The following PRIM2 variants were observed in gnomAD, a reference collection of about 807,000 sequenced individuals.
The protein encoded by PRIM2 is DNA primase subunit 2.
Under a neutral mutation model 67.3 loss-of-function variants are expected in PRIM2, and 39 were observed. That is an observed-to-expected ratio of 0.58 (90% CI 0.45 to 0.76). PRIM2 has a LOEUF of 0.76. Among genes scored for constraint, PRIM2 ranks in the 30% least tolerant of loss-of-function variants. The pLI, the probability that PRIM2 is intolerant of heterozygous loss-of-function variation, is 0.00. For missense variants in PRIM2, 398 were observed against 598.7 expected, an observed-to-expected ratio of 0.66 and a Z score of 3.50; for synonymous variants, 143 against 198.7, an observed-to-expected ratio of 0.72 and a Z score of 2.36.
At chr6:57,502,667 C>A (rs1774161031) in intron 7 of PRIM2, among the ~76,000 whole-genome samples, 1 of 152,188 alleles carries the variant, frequency 6.6e-6, no homozygotes, top group Non-Finnish European at 1.5e-5. Flanking sequence ...CTCGAAGTGT[C>A]TGTTTCTGGC....
At chr6:57,475,838 A>C (rs1336558665) in intron 7 of PRIM2, among the ~76,000 whole-genome samples, 5 of 152,222 alleles carry the variant, frequency 3.3e-5, no homozygotes, top group African/African-American at 1.2e-4. Flanking sequence ...AACGTAAGAG[A>C]CATGGCACGT....
intron 7 of PRIM2, among the ~76,000 whole-genome samples, chr6:57,436,364 T>G (rs770321509): frequency 6.6e-6 from 1 of 152,202 alleles, no homozygotes; most frequent in Non-Finnish European, 1.5e-5. Context: ...GATTTGTCAG[T>G]TGTCACACTT....
chr6:57,476,155 CA>C (rs1353556422), intron 7 of PRIM2, among the ~76,000 whole-genome samples: 3 of 152,080 alleles, frequency 2.0e-5, no homozygotes, highest in African/African-American at 7.2e-5. Context: ...AAATATTAAA[CA>C]TGAGTCATTA....
chr6:57,438,863 C>G (rs1344747912), intron 7 of PRIM2, among the ~76,000 whole-genome samples: 1 of 149,766 alleles, frequency 6.7e-6, no homozygotes, highest in Non-Finnish European at 1.5e-5. Context: ...ACCTCCGCCT[C>G]TGGGGTTCAA....
chr6:57,331,430 G>A (rs1231878065), intron 5 of PRIM2, among the ~76,000 whole-genome samples: 2 of 152,078 alleles, frequency 1.3e-5, no homozygotes, highest in African/African-American at 2.4e-5. Flanking sequence ...CTCATAGAAT[G>A]AGTTGGGAAA....
At chr6:57,358,418 A>C (rs1769099819) in intron 5 of PRIM2, among the ~76,000 whole-genome samples, 1 of 152,210 alleles carries the variant, frequency 6.6e-6, no homozygotes, top group Non-Finnish European at 1.5e-5. Flanking sequence ...TCCCAGATTC[A>C]GTGTGTGGTG....
chr6:57,465,282 C>T (rs936519262), intron 7 of PRIM2, among the ~76,000 whole-genome samples: 301 of 152,152 alleles, frequency 2.0e-3, no homozygotes, highest in Non-Finnish European at 3.4e-3. Flanking sequence ...AGGGTATGGG[C>T]GTATGATGCA....
chr6:57,540,309 A>T (rs1775120369), intron 10 of PRIM2, among the ~76,000 whole-genome samples: 1 of 152,036 alleles, frequency 6.6e-6, no homozygotes, highest in Admixed American at 6.6e-5. Flanking sequence ...AGAGAGAGAG[A>T]GATGGGGGTT....
chr6:57,481,331 A>G (rs1185654312), intron 7 of PRIM2, among the ~76,000 whole-genome samples: 7 of 152,134 alleles, frequency 4.6e-5, no homozygotes, highest in Non-Finnish European at 8.8e-5. Context: ...CAGAAATGTT[A>G]TGTATATATA....
chr6:57,539,320 A>G (rs1484712417), intron 10 of PRIM2, among the ~76,000 whole-genome samples: 3 of 152,168 alleles, frequency 2.0e-5, no homozygotes, highest in Admixed American at 6.5e-5. Context: ...GCTTTTCACC[A>G]TTCTAAAAAT....
intron 10 of PRIM2, among the ~76,000 whole-genome samples, chr6:57,585,490 T>C (rs1359263310): frequency 2.6e-5 from 4 of 151,980 alleles, no homozygotes; most frequent in Non-Finnish European, 1.5e-5. Context: ...GGATGAAAAA[T>C]TACGGAGATG....
At chr6:57,439,102 G>A (rs1296189570) in intron 7 of PRIM2, among the ~76,000 whole-genome samples, 4 of 152,194 alleles carry the variant, frequency 2.6e-5, no homozygotes, top group African/African-American at 7.2e-5. Flanking sequence ...TCATAACTTG[G>A]ATTTATTACA....
chr6:57,577,941 CT>C (rs1775993004), intron 10 of PRIM2, among the ~76,000 whole-genome samples: 1 of 152,172 alleles, frequency 6.6e-6, no homozygotes, highest in Non-Finnish European at 1.5e-5. Flanking sequence ...TGTCCTTCTG[CT>C]GTTCCAAGAT....
At chr6:57,541,278 G>A (rs1775145778) in intron 10 of PRIM2, among the ~76,000 whole-genome samples, 1 of 152,052 alleles carries the variant, frequency 6.6e-6, no homozygotes, top group Admixed American at 6.5e-5. Context: ...TAGTTGAGAC[G>A]GGGTTTCACC....
intron 5 of PRIM2, among the ~76,000 whole-genome samples, chr6:57,357,813 A>G (rs1169116009): frequency 2.0e-5 from 3 of 152,030 alleles, no homozygotes; most frequent in East Asian, 3.9e-4. Context: ...TGAAGCTGGT[A>G]TCGGATTCCT....
intron 10 of PRIM2, among the ~76,000 whole-genome samples, chr6:57,561,243 G>T (rs1408275875): frequency 1.3e-5 from 2 of 152,082 alleles, no homozygotes; most frequent in Non-Finnish European, 2.9e-5. Flanking sequence ...TTTGGTGTGT[G>T]TGTGTGGAGA....
At chr6:57,495,493 CAT>C (rs1217191449) in intron 7 of PRIM2, among the ~76,000 whole-genome samples, 2 of 152,176 alleles carry the variant, frequency 1.3e-5, no homozygotes, top group East Asian at 3.8e-4. Context: ...CATCTGTTAA[CAT>C]AAACATTAGA....
chr6:57,550,699 G>C (rs1775384078), intron 10 of PRIM2, among the ~76,000 whole-genome samples: 1 of 152,050 alleles, frequency 6.6e-6, no homozygotes, highest in African/African-American at 2.4e-5. Flanking sequence ...AAAATAAAAT[G>C]ACATTTTATT....
intron 5 of PRIM2, among the ~76,000 whole-genome samples, chr6:57,341,331 A>G (rs192251740): frequency 0.072 from 10,973 of 152,254 alleles, 468 homozygotes; most frequent in South Asian, 0.13. Flanking sequence ...TGAAATATAA[A>G]CCATAGAATG....
Sources: allele counts gnomAD v4.1 joint callset (sites outside exome capture counted in the v4.1 genomes callset), GRCh38; gene constraint gnomAD v4.1.1; transcripts MANE v1.5; gene names NCBI Gene and HGNC (gene_info 2026-07-23, HGNC 2026-07-21).